Variants in MRTFA observed in about 807,000 individuals in gnomAD.
MRTFA encodes the protein myocardin related transcription factor A.
A neutral mutation model predicts 83.5 loss-of-function variants in MRTFA; 20 were observed. That is an observed-to-expected ratio of 0.24 (90% CI 0.17 to 0.35). The LOEUF is 0.35. Among genes scored for constraint, MRTFA ranks in the 10% least tolerant of loss-of-function variants. MRTFA has a pLI of 1.00. For synonymous variants in MRTFA, 659 were observed against 541.2 expected, an observed-to-expected ratio of 1.22 and a Z score of -3.02; for missense variants, 1,200 against 1,224.7, an observed-to-expected ratio of 0.98 and a Z score of 0.30.
At chr22:40,423,159 C>T (rs2052877558) in intron 9 of MRTFA, among the ~76,000 whole-genome samples, 1 of 152,268 alleles carries the variant, frequency 6.6e-6, no homozygotes, top group African/African-American at 2.4e-5. Flanking sequence ...GGGAACACCA[C>T]TCAGTGGCAC....
intron 3 of MRTFA, among the ~76,000 whole-genome samples, chr22:40,487,970 A>G (rs1408126545): frequency 2.0e-5 from 3 of 152,118 alleles, no homozygotes; most frequent in Non-Finnish European, 4.4e-5. Context: ...AGAAAAAAAG[A>G]AGAAAGAAAA....
chr22:40,443,063 C>T (rs957534681), intron 4 of MRTFA, among the ~76,000 whole-genome samples: 5 of 152,140 alleles, frequency 3.3e-5, no homozygotes, highest in South Asian at 2.1e-4. Flanking sequence ...ACCAGCCTGG[C>T]CAACATGGCA....
At chr22:40,509,430 C>T (rs1222595472) in intron 3 of MRTFA, among the ~76,000 whole-genome samples, 2 of 152,152 alleles carry the variant, frequency 1.3e-5, no homozygotes, top group African/African-American at 2.4e-5. Context: ...TTAGGATAAT[C>T]CAGGATTGAT....
chr22:40,505,462 A>G (rs1182917052), intron 3 of MRTFA, among the ~76,000 whole-genome samples: 1 of 152,244 alleles, frequency 6.6e-6, no homozygotes, highest in African/African-American at 2.4e-5. Context: ...TTGGAGTTAA[A>G]TGACATAACT....
intron 2 of MRTFA, chr22:40,586,992 CA>C: frequency 4.3e-6 from 2 of 462,888 alleles, no homozygotes. Flanking sequence ...GCTGGCCTGG[CA>C]AAGCCTGGTG....
chr22:40,604,199 C>T (rs1423496253), intron 1 of MRTFA, among the ~76,000 whole-genome samples: 1 of 150,846 alleles, frequency 6.6e-6, no homozygotes, highest in Non-Finnish European at 1.5e-5. Context: ...GGCACCATCT[C>T]GGCTCACTGC....
Position 40,419,271 on chromosome 22 carries a change from T to C in MRTFA, c.1467A>G (p.Gly489=). 6.2e-7 allele frequency: 1 copy of C among 1,613,456 alleles called. No homozygotes were observed. Among genetic ancestry groups the C allele is most frequent in the Non-Finnish European group, 8.5e-7 (1 of 1,179,806 alleles). Residue 489 remains glycine, a synonymous_variant, in exon 12 of 15, where the codon GGA becomes GGG. Coordinates refer to ENST00000355630, the MANE Select transcript of MRTFA (RefSeq NM_020831.6). ...AGGTGGCGGCAGGGGCCTTGGGGGC[T>C]CCTGGCACAGGGCTGATTTGGTCTT...
At chr22:40,598,205 CCTCCCCAGCCT>C (rs1407007060) in intron 1 of MRTFA, among the ~76,000 whole-genome samples, 1 of 151,916 alleles carries the variant, frequency 6.6e-6, no homozygotes, top group Non-Finnish European at 1.5e-5. Context: ...CTCCCCCGCC[CCTCCCCAGCCT>C]CCTAGAGAAT....
intron 3 of MRTFA, among the ~76,000 whole-genome samples, chr22:40,514,943 CT>C (rs1431829396): frequency 1.3e-5 from 2 of 148,694 alleles, no homozygotes; most frequent in African/African-American, 5.0e-5. Flanking sequence ...GAGTCTCACT[CT>C]GTCGCCCAGG....
intron 3 of MRTFA, among the ~76,000 whole-genome samples, chr22:40,507,754 G>A (rs1307140109): frequency 3.9e-5 from 6 of 152,036 alleles, no homozygotes; most frequent in Non-Finnish European, 8.8e-5. Context: ...CACGAGGTCA[G>A]GAATTAGAGA....
chr22:40,622,630 G>A (rs903627887), intron 1 of MRTFA, among the ~76,000 whole-genome samples: 2 of 152,128 alleles, frequency 1.3e-5, no homozygotes, highest in African/African-American at 2.4e-5. Flanking sequence ...TTGAAGTGAC[G>A]CTGCCACAAG....
chr22:40,424,020 A>G (rs1357629912), intron 8 of MRTFA, among the ~76,000 whole-genome samples, 186 bp downstream of exon 8: 1 of 152,146 alleles, frequency 6.6e-6, no homozygotes, highest in Non-Finnish European at 1.5e-5. Context: ...GCTGCTGGAG[A>G]GGGGCCACTG....
At chr22:40,480,654 G>T (rs1271473504) in intron 3 of MRTFA, among the ~76,000 whole-genome samples, 4 of 151,738 alleles carry the variant, frequency 2.6e-5, no homozygotes, top group Non-Finnish European at 5.9e-5. Flanking sequence ...CACATCTAAA[G>T]GTTATTCAGG....
intron 2 of MRTFA, among the ~76,000 whole-genome samples, chr22:40,577,061 A>G (rs1026837526): frequency 1.3e-5 from 2 of 152,030 alleles, no homozygotes; most frequent in Non-Finnish European, 2.9e-5. Context: ...CATCTCCACA[A>G]AAAATTTAAA....
chr22:40,496,289 T>A (rs1469680920), intron 3 of MRTFA, among the ~76,000 whole-genome samples: 1 of 151,746 alleles, frequency 6.6e-6, no homozygotes, highest in Non-Finnish European at 1.5e-5. Context: ...GTGCCCATTC[T>A]ATAAGCACTC....
chr22:40,590,656 G>T (rs968522877), intron 2 of MRTFA, among the ~76,000 whole-genome samples: 5 of 128,932 alleles, frequency 3.9e-5, no homozygotes, highest in African/African-American at 1.4e-4. Context: ...CTGTGTAACA[G>T]AACAAGACTC....
Position 40,423,680 on chromosome 22 carries a change from C to A in MRTFA, c.783G>T (p.Val261=), listed in dbSNP as rs781222952. ...AATCCCGGCCCATCGGAAGTTGAGA[C>A]ACAACCTGAGAGGGAAAAAGGGAAG... The change falls in exon 9 of 15, where the codon GTG becomes GTT. Residue 261 remains valine, a synonymous_variant. Transcript: ENST00000355630. The A allele has an allele frequency of 7.0e-6, 11 of 1,561,304 alleles. No individual in the cohort carries two copies. The Admixed American group carries it at 2.0e-4, about 28-fold the overall frequency.
intron 3 of MRTFA, among the ~76,000 whole-genome samples, chr22:40,532,377 G>T (rs2055096915): frequency 6.6e-6 from 1 of 152,122 alleles, no homozygotes; most frequent in Admixed American, 6.6e-5. Context: ...GAATAGACAG[G>T]AAAAATAAAT....
At chr22:40,482,821 A>C (rs948019318) in intron 3 of MRTFA, among the ~76,000 whole-genome samples, 3 of 152,162 alleles carry the variant, frequency 2.0e-5, no homozygotes, top group Non-Finnish European at 2.9e-5. Context: ...AAAGTGACAA[A>C]AAATTGTTTT....
Sources: allele counts gnomAD v4.1 joint callset (sites outside exome capture counted in the v4.1 genomes callset), GRCh38; gene constraint gnomAD v4.1.1; transcripts MANE v1.5; gene names NCBI Gene and HGNC (gene_info 2026-07-23, HGNC 2026-07-21).